The following ZDHHC6 variants were observed in gnomAD, a reference collection of about 807,000 sequenced individuals.
The protein encoded by ZDHHC6 is palmitoyltransferase ZDHHC6.
ZDHHC6 carries 32 observed loss-of-function variants against 57.8 expected under a neutral mutation model. The observed-to-expected ratio is 0.55, with a 90% CI of 0.42 to 0.74. The LOEUF (loss-of-function observed/expected upper bound fraction) is 0.74. Ranked by LOEUF, ZDHHC6 falls within the 30% of genes least tolerant of loss-of-function variation. ZDHHC6 has a pLI of 0.00. For synonymous variants in ZDHHC6, 128 were observed against 158.0 expected, an observed-to-expected ratio of 0.81 and a Z score of 1.42; for missense variants, 433 against 500.7, an observed-to-expected ratio of 0.86 and a Z score of 1.29.
chr10:112,447,449 G>T (rs780736147), upstream of ZDHHC6: 3 of 1,613,542 alleles, frequency 1.9e-6, no homozygotes, highest in South Asian at 1.1e-5. Context: ...GATTGCGAGG[G>T]TCCCACGACT....
chr10:112,444,121 C>G (rs112776528), intron 2 of ZDHHC6, among the ~76,000 whole-genome samples: 1 of 152,174 alleles, frequency 6.6e-6, no homozygotes, highest in East Asian at 1.9e-4. Context: ...CTGTGTCAGA[C>G]TCTGCCTGAA....
intron 4 of ZDHHC6, among the ~76,000 whole-genome samples, chr10:112,441,604 G>T (rs1024514891): frequency 6.6e-6 from 1 of 152,138 alleles, no homozygotes; most frequent in Non-Finnish European, 1.5e-5. Flanking sequence ...ATCAAATATG[G>T]GCTGTCCCCT....
In ZDHHC6 at chr10:112,432,219, C is replaced by T. The variant is rs776481657; in HGVS notation, c.1138+21G>A. The T allele has an allele frequency of 6.3e-6, 10 of 1,589,006 alleles. No homozygotes were observed. The African/African-American group carries it at 8.2e-5, about 13-fold the overall frequency. ...ATTGCTAATAGTCTTGTCCTTTAAACATGCCCTTCCATTTCCATACCTTCT... is the reference window on the plus strand; with the variant it reads ...ATTGCTAATAGTCTTGTCCTTTAAATATGCCCTTCCATTTCCATACCTTCT... On this transcript the variant is annotated intron_variant, in intron 10 of 10. Transcript: ENST00000369405.
exon 12 of ZDHHC6, chr10:112,425,239 C>T: frequency 9.0e-7 from 1 of 1,115,874 alleles, no homozygotes; most frequent in South Asian, 1.8e-5. Context: ...CTGGAGAAAT[C>T]AGCTTTAGAG....
At chr10:112,441,124 C>A (rs994925402) in intron 4 of ZDHHC6, among the ~76,000 whole-genome samples, 2 of 152,170 alleles carry the variant, frequency 1.3e-5, no homozygotes, top group South Asian at 2.1e-4. Flanking sequence ...GGATTACAGG[C>A]GTGAGCCACT....
chr10:112,427,234 T>C (rs765385170), downstream of ZDHHC6: 2 of 1,612,452 alleles, frequency 1.2e-6, 1 homozygote, highest in South Asian at 2.2e-5. Flanking sequence ...GCCATTTTTC[T>C]TCATCCAGAG....
chr10:112,445,503 T>G lies in ZDHHC6; in HGVS notation c.-67A>C, dbSNP rs1387804402. On this transcript the variant is annotated 5_prime_UTR_variant, in exon 2 of 11. Transcript: ENST00000369405. ...GATTTCCTTTTTCTGTGCGCACATT[T>G]CCATGTGCCACAAGTCCATGTGTGT... 1 of 1,529,064 alleles carries G rather than the reference T, an allele frequency of 6.5e-7. No individual in the cohort carries two copies. The highest frequency in any genetic ancestry group is 2.3e-5 in the East Asian group (1 of 44,162). The allele number at this position is 1,529,064 out of a possible 1,614,324, so 94.7% of individuals were successfully genotyped here.
downstream of ZDHHC6, chr10:112,426,701 C>G (rs1844734292): frequency 8.5e-7 from 1 of 1,179,598 alleles, no homozygotes; most frequent in South Asian, 1.2e-5. Context: ...TACTGCATGG[C>G]TTTGACAGGC....
chr10:112,426,626 CTCAG>C (rs1844730155), downstream of ZDHHC6: 3 of 661,242 alleles, frequency 4.5e-6, no homozygotes, highest in African/African-American at 1.8e-5. Flanking sequence ...GCCTTTTCTT[CTCAG>C]TTTTTCTTTC....
downstream of ZDHHC6, among the ~76,000 whole-genome samples, chr10:112,429,870 C>A (rs1294017093): frequency 6.6e-6 from 1 of 151,730 alleles, no homozygotes; most frequent in Admixed American, 6.6e-5. Context: ...CCACTCAGAG[C>A]TCACGTACAC....
downstream of ZDHHC6, among the ~76,000 whole-genome samples, chr10:112,429,972 G>T (rs970908026): frequency 2.0e-5 from 3 of 151,512 alleles, no homozygotes; most frequent in Non-Finnish European, 4.4e-5. Flanking sequence ...TTGTTGGGGG[G>T]GGGGTGTGGG....
rs1429025525 is a variant in ZDHHC6, at chr10:112,446,899, C to T, written c.-409G>A. 5.2e-6 allele frequency: 1 copy of T among 193,034 alleles called. No homozygotes were observed. The highest frequency in any genetic ancestry group is 1.1e-5 in the Non-Finnish European group (1 of 90,592). 12.0% of individuals were successfully genotyped at this position (193,034 alleles called of 1,614,324 possible). A position where few individuals can be genotyped will look rare whatever the true frequency, so the allele number is the denominator to read the frequency against. On this transcript the variant is annotated 5_prime_UTR_variant, in exon 1 of 11. Coordinates refer to ENST00000369405, the MANE Select transcript of ZDHHC6 (RefSeq NM_022494.3). ...CAAGCCGAGCACCTCTCGGCCAGCG[C>T]CCTCGCCAGGACTCTCCCGCTCAGG...
chr10:112,442,031 A>G (rs1846166056), intron 4 of ZDHHC6, among the ~76,000 whole-genome samples, 161 bp downstream of exon 4: 3 of 152,236 alleles, frequency 2.0e-5, no homozygotes, highest in Admixed American at 2.0e-4. Flanking sequence ...TTAAGTTTTA[A>G]TGCTTTCTAA....
chr10:112,447,332 C>T, upstream of ZDHHC6: 1 of 1,597,528 alleles, frequency 6.3e-7, no homozygotes, highest in Non-Finnish European at 8.5e-7. Context: ...GGCCCTTTCC[C>T]TGACCTAGGC....
At chr10:112,426,779 T>C (rs774839105), downstream of ZDHHC6, 4 of 1,613,432 alleles carry the variant, frequency 2.5e-6, no homozygotes, top group Middle Eastern at 1.7e-4. Flanking sequence ...TGATGTTTTG[T>C]ATTCTTAGGT....
chr10:112,433,274 T>C lies in ZDHHC6; in HGVS notation c.911A>G (p.Gln304Arg). The C allele has an allele frequency of 6.3e-7, 1 of 1,578,822 alleles. No homozygotes were observed. Among genetic ancestry groups the C allele is most frequent in the Non-Finnish European group, 8.6e-7 (1 of 1,165,674 alleles). ...TCTCTTATCTGCTTTTTGTTTCAAC[T>C]GTTCTATCTGTTTGGAAGAAATAAA... ...GCHQYSLTIE[Q>R]LKQKADKRVR... Residue 304 changes from glutamine to arginine, a missense_variant, in exon 8 of 11, where the codon CAG becomes CGG. Coordinates refer to ENST00000369405, the MANE Select transcript of ZDHHC6 (RefSeq NM_022494.3).
intron 8 of ZDHHC6, 50 bp downstream of exon 8, chr10:112,433,190 C>T: frequency 2.7e-6 from 4 of 1,485,198 alleles, no homozygotes; most frequent in Non-Finnish European, 3.6e-6. Flanking sequence ...TATGGAAGTA[C>T]AGAGCCTAAC....
chr10:112,432,601 G>C (rs1807086781), intron 8 of ZDHHC6, 80 bp from the exon 9 acceptor site: 22 of 1,522,264 alleles, frequency 1.4e-5, no homozygotes, highest in Non-Finnish European at 1.8e-5. Context: ...AAATTTTAAA[G>C]CAAGATCCAA....
chr10:112,443,577 C>T lies in ZDHHC6; in HGVS notation c.297G>A (p.Gln99=), dbSNP rs756495242. 6.2e-7 allele frequency: 1 copy of T among 1,613,480 alleles called. No individual in the cohort carries two copies. The highest frequency in any genetic ancestry group is 8.5e-7 in the Non-Finnish European group (1 of 1,179,694). The change falls in exon 3 of 11, where the codon CAG becomes CAA. Residue 99 remains glutamine, a synonymous_variant. Transcript: ENST00000369405. ...TGTATGCTTGGCAGACTTTACAATACTGGAGATACATGGTATCCTGAGAAA... is the reference window on the plus strand; with the variant it reads ...TGTATGCTTGGCAGACTTTACAATATTGGAGATACATGGTATCCTGAGAAA... ...PEISQDTMYL[Q]YCKVCQAYKA...
Sources: gnomAD v4.1 joint callset for allele counts (sites outside exome capture counted in the v4.1 genomes callset) on GRCh38, gnomAD v4.1.1 for gene constraint, MANE v1.5 for transcripts, NCBI Gene and HGNC (gene_info 2026-07-23, HGNC 2026-07-21) for gene names.